Variants in PPP2R2B observed in about 807,000 individuals in gnomAD.
The protein encoded by PPP2R2B is protein phosphatase 2 regulatory subunit Bbeta.
In PPP2R2B, 5 loss-of-function variants were observed where a neutral mutation model predicts 46.0. That is an observed-to-expected ratio of 0.11 (90% confidence interval 0.06 to 0.23). The LOEUF (loss-of-function observed/expected upper bound fraction) is 0.23. PPP2R2B is among the 10% of genes least tolerant of loss of function. PPP2R2B has a pLI of 1.00. For synonymous variants in PPP2R2B, 215 were observed against 206.7 expected (o/e 1.04, Z -0.34); for missense variants, 367 against 575.0 (o/e 0.64, Z 3.70).
chr5:147,058,131 A>T (rs1052175848), upstream of PPP2R2B, among the ~76,000 whole-genome samples: 1 of 152,222 alleles, frequency 6.6e-6, no homozygotes, highest in South Asian at 2.1e-4. Context: ...GTGCCTGCAC[A>T]AAGTAGATAG....
Position 146,583,065 on chromosome 5 carries a change from T to C in PPP2R2B, c.*6882A>G, listed in dbSNP as rs1471227919. ...ACTAATCAGTCATACCAGAGTGTTG[T>C]GAATTCCATATATATATAGCATATG... On this transcript the variant is annotated 3_prime_UTR_variant, in exon 10 of 10. Coordinates refer to ENST00000394411, the MANE Select transcript of PPP2R2B (RefSeq NM_181675.4). 1 of 152,176 alleles carries C rather than the reference T, an allele frequency of 6.6e-6. No individual in the cohort carries two copies. Among genetic ancestry groups the C allele is most frequent in the African/African-American group, 2.4e-5 (1 of 41,430 alleles). 9.4% of individuals were successfully genotyped at this position (152,176 alleles called of 1,614,324 possible).
chr5:146,880,831 G>A (rs1282176618), upstream of PPP2R2B, among the ~76,000 whole-genome samples: 1 of 152,124 alleles, frequency 6.6e-6, no homozygotes, highest in Non-Finnish European at 1.5e-5. Flanking sequence ...AACAGTCCAG[G>A]CATTTTTCCT....
At position 146,718,554 on chromosome 5, in the gene PPP2R2B, C is replaced by G. The variant is rs1407468802; in HGVS notation, c.71-17412G>C. Among the ~76,000 whole-genome samples, 10 of 152,166 alleles carry G rather than the reference C, an allele frequency of 6.6e-5. No homozygotes were observed. In the East Asian group the frequency reaches 1.9e-3, roughly 29 times the overall value. ...ATGAAAATTTGAAAACCAATAAAATCCACATTTGCTTCATTCTAGTTAATA... is the reference window on the plus strand; with the variant it reads ...ATGAAAATTTGAAAACCAATAAAATGCACATTTGCTTCATTCTAGTTAATA... On this transcript the variant is annotated intron_variant, in intron 2 of 9. Transcript: ENST00000394411.
In PPP2R2B at chr5:147,029,911, T is replaced by C. The variant is rs187612182; in HGVS notation, c.79+25754A>G. On this transcript the variant is annotated intron_variant, in intron 1 of 8. Coordinates refer to the PPP2R2B transcript ENST00000336640. ...CTACCCAGTCTCTGATATTCTGTTA[T>C]GGCAGCCCCAGCTGACTAATATAAG... Among the ~76,000 whole-genome samples, 12 of 151,828 alleles carry C rather than the reference T, an allele frequency of 7.9e-5. No individual in the cohort carries two copies. In the East Asian group the frequency reaches 1.9e-3, roughly 24 times the overall value.
At chr5:146,860,453 T>C (rs964922883) in intron 2 of PPP2R2B, among the ~76,000 whole-genome samples, 3 of 152,146 alleles carry the variant, frequency 2.0e-5, no homozygotes, top group Non-Finnish European at 2.9e-5. Flanking sequence ...ACACCACACT[T>C]TCTAAAGCAA....
upstream of PPP2R2B, among the ~76,000 whole-genome samples, chr5:146,882,138 A>G (rs2151423066): frequency 6.6e-6 from 1 of 151,956 alleles, no homozygotes; most frequent in South Asian, 2.1e-4. Context: ...TTACCCAGGC[A>G]TGGTGGCACG....
chr5:147,021,752 C>G (rs925092442), intron 1 of PPP2R2B, among the ~76,000 whole-genome samples: 1 of 152,008 alleles, frequency 6.6e-6, no homozygotes, highest in Admixed American at 6.6e-5. Flanking sequence ...TGGGAGACAT[C>G]TAGATACTCA....
In PPP2R2B at chr5:146,655,967, G is replaced by A. The variant is rs573701075; in HGVS notation, c.448-5243C>T. Among the ~76,000 whole-genome samples the A allele has an allele frequency of 2.6e-5, 4 of 152,238 alleles. No homozygotes were observed. The South Asian group carries it at 6.2e-4, about 24-fold the overall frequency. On this transcript the variant is annotated intron_variant, in intron 5 of 9. Transcript: ENST00000394411. ...GGGACCAGCAGTGTGCAAACTCAGA[G>A]GAGAGACAGCAAAGTATACACATAA...
At chr5:146,905,262 A>G (rs1762960016) in intron 1 of PPP2R2B, among the ~76,000 whole-genome samples, 1 of 152,160 alleles carries the variant, frequency 6.6e-6, no homozygotes, top group South Asian at 2.1e-4. Flanking sequence ...ACACCATTCA[A>G]TCCACTCCTG....
At chr5:147,063,759 G>A (rs529910898) in intron 2 of PPP2R2B, among the ~76,000 whole-genome samples, 63 of 152,314 alleles carry the variant, frequency 4.1e-4, no homozygotes, top group African/African-American at 1.5e-3. Flanking sequence ...GGATTAGGCA[G>A]CATATTTCTT....
At chr5:146,826,090 T>C (rs1405315065) in intron 2 of PPP2R2B, among the ~76,000 whole-genome samples, 2 of 152,158 alleles carry the variant, frequency 1.3e-5, no homozygotes, top group Admixed American at 6.5e-5. Flanking sequence ...ACCCAAAGTC[T>C]CAGTCATCTC....
chr5:146,954,743 AAT>A (rs1322419457), intron 1 of PPP2R2B, among the ~76,000 whole-genome samples: 2 of 130,154 alleles, frequency 1.5e-5, no homozygotes, highest in African/African-American at 2.8e-5. Flanking sequence ...TACATATATG[AAT>A]ATGTGTATAT....
intron 6 of PPP2R2B, 116 bp downstream of exon 6, chr5:146,650,431 C>T: frequency 1.1e-6 from 1 of 925,252 alleles, no homozygotes. Context: ...TTAAAAGGGG[C>T]AAGTTCTCCG....
At chr5:146,951,309 T>C (rs535004243) in intron 1 of PPP2R2B, among the ~76,000 whole-genome samples, 1 of 152,036 alleles carries the variant, frequency 6.6e-6, no homozygotes, top group Non-Finnish European at 1.5e-5. Context: ...ACAGTTAAGA[T>C]ATAGAACATT....
At position 146,965,099 on chromosome 5, in the gene PPP2R2B, T is replaced by C. The variant is rs536906617; in HGVS notation, c.79+90566A>G. 1.1e-4 allele frequency among the ~76,000 whole-genome samples: 17 copies of C among 152,260 alleles called. No individual in the cohort carries two copies. The South Asian group carries it at 3.3e-3, about 30-fold the overall frequency. ...TATTTTCTTAATCTCATCCTCTTAA[T>C]TGAGGCCCAGAGAGGAATAACTTAC... On this transcript the variant is annotated intron_variant, in intron 1 of 8. Coordinates refer to the PPP2R2B transcript ENST00000336640.
At chr5:147,072,183 C>T (rs1302186973) in intron 2 of PPP2R2B, among the ~76,000 whole-genome samples, 3 of 151,876 alleles carry the variant, frequency 2.0e-5, no homozygotes, top group Non-Finnish European at 4.4e-5. Flanking sequence ...GGTCTACTAT[C>T]TATAATATCT....
intron 1 of PPP2R2B, among the ~76,000 whole-genome samples, chr5:147,036,700 A>G (rs1756054930): frequency 6.6e-6 from 1 of 152,138 alleles, no homozygotes; most frequent in Non-Finnish European, 1.5e-5. Flanking sequence ...CTTTTTAATA[A>G]TAGCCATTCT....
chr5:146,867,681 C>T (rs930129003), intron 2 of PPP2R2B, among the ~76,000 whole-genome samples: 2 of 152,092 alleles, frequency 1.3e-5, no homozygotes, highest in East Asian at 3.9e-4. Flanking sequence ...CTCATGATAA[C>T]AGAGAGATAA....
At chr5:147,060,569 C>T (rs779811071), upstream of PPP2R2B, among the ~76,000 whole-genome samples, 6 of 151,984 alleles carry the variant, frequency 3.9e-5, no homozygotes, top group Non-Finnish European at 7.4e-5. Context: ...TTGAGGCTGC[C>T]GTGATCCACG....
Sources: gnomAD v4.1 joint callset for allele counts (sites outside exome capture counted in the v4.1 genomes callset) on GRCh38, gnomAD v4.1.1 for gene constraint, MANE v1.5 for transcripts, NCBI Gene and HGNC (gene_info 2026-07-23, HGNC 2026-07-21) for gene names.